Variants in UBE2W observed in about 807,000 individuals in gnomAD.
UBE2W encodes the protein ubiquitin conjugating enzyme E2 W.
A neutral mutation model predicts 27.2 loss-of-function variants in UBE2W; 18 were observed. That is an observed-to-expected ratio of 0.66 (90% CI 0.46 to 0.98). The LOEUF (loss-of-function observed/expected upper bound fraction) is 0.98, where lower values mean the gene tolerates loss of function less well. Among genes scored for constraint, UBE2W ranks in the 50% least tolerant of loss-of-function variants. UBE2W has a pLI of 0.00. For missense variants in UBE2W, 90 were observed against 180.2 expected, an observed-to-expected ratio of 0.50 and a Z score of 2.87; for synonymous variants, 53 against 57.2, an observed-to-expected ratio of 0.93 and a Z score of 0.33.
intron 1 of UBE2W, among the ~76,000 whole-genome samples, chr8:73,871,476 TG>T (rs1355670300): frequency 6.6e-6 from 1 of 152,262 alleles, no homozygotes; most frequent in Non-Finnish European, 1.5e-5. Flanking sequence ...AAACAGGACC[TG>T]AATTTGGGTC....
intron 1 of UBE2W, among the ~76,000 whole-genome samples, chr8:73,844,387 G>C (rs1310858619): frequency 1.3e-5 from 2 of 152,236 alleles, no homozygotes; most frequent in Non-Finnish European, 2.9e-5. Flanking sequence ...GACCGTGAGT[G>C]ATCTGCCAGC....
chr8:73,810,777 T>C, intron 3 of UBE2W, 148 bp from the exon 4 acceptor site: 2 of 535,560 alleles, frequency 3.7e-6, no homozygotes, highest in Non-Finnish European at 6.0e-6. Flanking sequence ...TGCTTATTTG[T>C]TTACTCTCAT....
At chr8:73,818,974 C>A (rs1465431185) in intron 3 of UBE2W, among the ~76,000 whole-genome samples, 1 of 152,148 alleles carries the variant, frequency 6.6e-6, no homozygotes, top group South Asian at 2.1e-4. Flanking sequence ...TATAGCAGTA[C>A]AAAAATGGCC....
chr8:73,873,594 T>G (rs1400596284), intron 1 of UBE2W, among the ~76,000 whole-genome samples: 1 of 152,016 alleles, frequency 6.6e-6, no homozygotes, highest in Non-Finnish European at 1.5e-5. Flanking sequence ...AGGACAAGGG[T>G]GCAGTGAGCC....
chr8:73,789,893 T>C lies in UBE2W; in HGVS notation c.*4209A>G, dbSNP rs1043800291. ...AATCATTCCACATCTCAAAATGACT[T>C]AGAAATTTAAATGGAAAAAATAAAT... is the stretch of plus-strand genomic sequence containing the variant. On this transcript the variant is annotated 3_prime_UTR_variant, in exon 6 of 6. Coordinates refer to ENST00000602593, the MANE Select transcript of UBE2W (RefSeq NM_018299.6). 2.4e-5 allele frequency: 23 copies of C among 971,430 alleles called. No homozygotes were observed. The highest frequency in any genetic ancestry group is 2.8e-5 in the Non-Finnish European group (23 of 817,404). The allele number at this position is 971,430 out of a possible 1,614,324, so 60.2% of individuals were successfully genotyped here.
At chr8:73,848,983 G>A (rs1810941220) in intron 1 of UBE2W, among the ~76,000 whole-genome samples, 1 of 152,004 alleles carries the variant, frequency 6.6e-6, no homozygotes, top group South Asian at 2.1e-4. Context: ...AAATGGATGA[G>A]TATATTATGT....
rs1163059206 is a variant in UBE2W, at chr8:73,792,364, T to C, written c.*1738A>G. On this transcript the variant is annotated 3_prime_UTR_variant, in exon 6 of 6. Transcript: ENST00000602593. ...CACGGTTTTAATTTTTTTTTTCAAG[T>C]TATTTCTATAGCAGACATATTTTTG... The C allele has an allele frequency of 1.0e-6, 1 of 985,464 alleles. No homozygotes were observed. Among genetic ancestry groups the C allele is most frequent in the African/African-American group, 1.7e-5 (1 of 57,212 alleles). 61.0% of individuals were successfully genotyped at this position (985,464 alleles called of 1,614,324 possible).
intron 5 of UBE2W, among the ~76,000 whole-genome samples, chr8:73,800,272 T>C (rs2130854764): frequency 6.6e-6 from 1 of 152,338 alleles, no homozygotes. Flanking sequence ...ATATTTCCAT[T>C]CCTTGATTGC....
chr8:73,843,002 T>C (rs1392412244), intron 1 of UBE2W, among the ~76,000 whole-genome samples: 2 of 152,148 alleles, frequency 1.3e-5, no homozygotes, highest in Non-Finnish European at 2.9e-5. Flanking sequence ...TCAAAAAGAA[T>C]GAAGTACTGA....
chr8:73,857,907 T>C (rs183151696), intron 1 of UBE2W, among the ~76,000 whole-genome samples: 98 of 152,198 alleles, frequency 6.4e-4, no homozygotes, highest in Non-Finnish European at 9.9e-4. Context: ...AAAGTAGCCA[T>C]AGAATGATTC....
chr8:73,832,167 G>A (rs1189330977), intron 1 of UBE2W, among the ~76,000 whole-genome samples: 1 of 143,492 alleles, frequency 7.0e-6, no homozygotes, highest in Non-Finnish European at 1.5e-5. Context: ...CAGGTGTAGG[G>A]GCATGCACCT....
At chr8:73,801,756 G>A (rs867939072) in intron 5 of UBE2W, among the ~76,000 whole-genome samples, 27 of 152,168 alleles carry the variant, frequency 1.8e-4, no homozygotes, top group African/African-American at 5.8e-4. Flanking sequence ...GCAAAAGAAT[G>A]TAAGAAAGAA....
chr8:73,815,384 C>CA (rs1338842894), intron 3 of UBE2W, among the ~76,000 whole-genome samples: 7 of 151,666 alleles, frequency 4.6e-5, no homozygotes, highest in Non-Finnish European at 5.9e-5. Context: ...GGAAAAAAAA[C>CA]AAAAAACAAA....
At chr8:73,837,653 T>G (rs1394242555) in intron 1 of UBE2W, among the ~76,000 whole-genome samples, 1 of 152,266 alleles carries the variant, frequency 6.6e-6, no homozygotes, top group African/African-American at 2.4e-5. Flanking sequence ...AGGTTTTAGC[T>G]GTGCTGCCTG....
intron 1 of UBE2W, among the ~76,000 whole-genome samples, chr8:73,857,813 G>T (rs534278364): frequency 6.6e-6 from 1 of 151,292 alleles, no homozygotes; most frequent in Non-Finnish European, 1.5e-5. Flanking sequence ...GAGACTCCCC[G>T]TCTTAAAAAA....
chr8:73,878,183 G>A (rs1208018355), intron 1 of UBE2W, among the ~76,000 whole-genome samples: 1 of 152,228 alleles, frequency 6.6e-6, no homozygotes, highest in Non-Finnish European at 1.5e-5. Context: ...GACTGCTGGA[G>A]GAATGTCCGC....
exon 5 of UBE2W, chr8:73,780,386 C>A: frequency 2.4e-6 from 1 of 414,630 alleles, no homozygotes; most frequent in South Asian, 1.8e-5. Context: ...CTCACCTCAA[C>A]TAATGACATC....
intron 3 of UBE2W, among the ~76,000 whole-genome samples, chr8:73,824,750 T>C (rs7000181): frequency 0.68 from 103,229 of 152,082 alleles, 37,669 homozygotes; most frequent in East Asian, 0.93. Flanking sequence ...CCTATGAGAA[T>C]CTAATGCCAT....
chr8:73,854,276 A>T (rs908066521), intron 1 of UBE2W, among the ~76,000 whole-genome samples: 2 of 152,184 alleles, frequency 1.3e-5, no homozygotes, highest in African/African-American at 4.8e-5. Context: ...GTAAAAAATA[A>T]ATAAATAAAT....
Sources: gnomAD v4.1 joint callset for allele counts (sites outside exome capture counted in the v4.1 genomes callset) on GRCh38, gnomAD v4.1.1 for gene constraint, MANE v1.5 for transcripts, NCBI Gene and HGNC (gene_info 2026-07-23, HGNC 2026-07-21) for gene names.